The following SPC24 variants were observed in gnomAD, a reference collection of about 807,000 sequenced individuals.
The protein encoded by SPC24 is kinetochore protein Spc24.
Under a neutral mutation model 27.6 loss-of-function variants are expected in SPC24, and 31 were observed. The ratio of observed to expected loss-of-function variants is 1.12; its 90% CI spans 0.84 to 1.52. The LOEUF is 1.52. Among genes scored for constraint, SPC24 ranks in the 40% most tolerant of loss-of-function variants. The probability of loss-of-function intolerance (pLI) is 0.00; values close to 1 mark genes in which losing one functional copy is unlikely to be tolerated. For synonymous variants in SPC24, 105 were observed against 105.8 expected, an observed-to-expected ratio of 0.99 and a Z score of 0.05; for missense variants, 284 against 252.5, an observed-to-expected ratio of 1.12 and a Z score of -0.84.
rs2077826462 is a variant in SPC24 at position 11,146,620 on chromosome 19, CTG to C, written c.*561_*562del. The C allele has an allele frequency of 6.6e-6, 1 of 151,360 alleles. No individual in the cohort carries two copies. Among genetic ancestry groups the C allele is most frequent in the African/African-American group, 2.4e-5 (1 of 41,144 alleles). The allele number at this position is 151,360 out of a possible 1,614,324, so 9.4% of individuals were successfully genotyped here. The stretch of plus-strand genomic sequence containing the variant: ...CTCTACTAAAAATACAAAAAATTAG[CTG>C]CGCATGGTGGCAGGTGCCTGTAGTC... On this transcript the variant is annotated 3_prime_UTR_variant, in exon 5 of 5. Coordinates refer to ENST00000592540, the MANE Select transcript of SPC24 (RefSeq NM_182513.4).
In SPC24 at chr19:11,147,146, G is replaced by A. The variant is rs749342385; in HGVS notation, c.*37C>T. The A allele has an allele frequency of 1.5e-6, 2 of 1,315,734 alleles. No individual in the cohort carries two copies. The highest frequency in any genetic ancestry group is 1.1e-6 in the Non-Finnish European group (1 of 941,114). 81.5% of individuals were successfully genotyped at this position (1,315,734 alleles called of 1,614,324 possible). On this transcript the variant is annotated 3_prime_UTR_variant, in exon 5 of 5. Transcript: ENST00000592540. ...TGAAATGGATCTGACCACGGCAGAT[G>A]CCCGCTGGGTGCAAGACGCAGCCAC...
intron 1 of SPC24, among the ~76,000 whole-genome samples, chr19:11,149,926 G>T (rs1474083387): frequency 1.3e-5 from 2 of 151,558 alleles, no homozygotes; most frequent in African/African-American, 2.4e-5. Flanking sequence ...TGGTCAGGCT[G>T]GTCTCAAACT....
chr19:11,154,266 G>A (rs1448397990), intron 1 of SPC24, among the ~76,000 whole-genome samples: 3 of 152,008 alleles, frequency 2.0e-5, no homozygotes, highest in Admixed American at 6.6e-5. Context: ...CTGGCCAGGC[G>A]TAGTGGCTCA....
intron 1 of SPC24, among the ~76,000 whole-genome samples, chr19:11,151,418 G>A (rs899310993): frequency 2.0e-5 from 3 of 152,088 alleles, no homozygotes; most frequent in African/African-American, 7.2e-5. Context: ...GGTTCGGATG[G>A]GGCCTGCTGA....
At chr19:11,147,315 C>G (rs768601401) in intron 4 of SPC24, 26 bp from the exon 5 acceptor site, 4 of 1,489,256 alleles carry the variant, frequency 2.7e-6, no homozygotes, top group South Asian at 1.2e-5. Flanking sequence ...AAGGAAAGCC[C>G]GGGACACACA....
rs77853947 is a variant in SPC24 at position 11,150,005 on chromosome 19, C to T, written c.161-767G>A. 4.2e-3 allele frequency among the ~76,000 whole-genome samples: 630 copies of T among 151,552 alleles called. 6 individuals carry two copies. The highest frequency in any genetic ancestry group is 0.014 in the African/African-American group (573 of 41,396). ...GATTACAGGCGTGAGCCACTGCGCA[C>T]GGCAACCCTGTCAATATTAAAAACA... On this transcript the variant is annotated intron_variant, in intron 1 of 4. Transcript: ENST00000592540.
intron 1 of SPC24, 126 bp from the exon 2 acceptor site, chr19:11,149,364 A>G: frequency 1.2e-6 from 1 of 814,154 alleles, no homozygotes; most frequent in South Asian, 3.2e-5. Context: ...GTGTCCAGAG[A>G]GTTCTACTGG....
chr19:11,147,176 C>G lies in SPC24; in HGVS notation c.*7G>C. 6.5e-7 allele frequency: 1 copy of G among 1,545,480 alleles called. No individual in the cohort carries two copies. Among genetic ancestry groups the G allele is most frequent in the South Asian group, 1.2e-5 (1 of 83,934 alleles). Reference sequence around the variant, plus strand: ...CTGGGTGCAAGACGCAGCCACGAGGCTCCTGGCTACCACTCGGTGTCCACC... The same window carrying G: ...CTGGGTGCAAGACGCAGCCACGAGGGTCCTGGCTACCACTCGGTGTCCACC... On this transcript the variant is annotated 3_prime_UTR_variant, in exon 5 of 5. Transcript: ENST00000592540.
chr19:11,147,355 A>T, intron 4 of SPC24, 66 bp from the exon 5 acceptor site: 1 of 1,130,008 alleles, frequency 8.8e-7, no homozygotes, highest in Non-Finnish European at 1.3e-6. Context: ...GGGGAAAAGG[A>T]TACTGCCTTT....
At chr19:11,149,392 G>A in intron 1 of SPC24, 154 bp from the exon 2 acceptor site, 1 of 535,042 alleles carries the variant, frequency 1.9e-6, no homozygotes, top group Non-Finnish European at 3.1e-6. Flanking sequence ...TACAACTACT[G>A]TTTCACCAAA....
chr19:11,151,235 A>G (rs886724164), intron 1 of SPC24, among the ~76,000 whole-genome samples: 4 of 151,794 alleles, frequency 2.6e-5, no homozygotes, highest in African/African-American at 9.7e-5. Context: ...ATTATTTTTA[A>G]TCAGAGTATG....
intron 1 of SPC24, among the ~76,000 whole-genome samples, chr19:11,150,224 C>T (rs971352518): frequency 1.4e-5 from 2 of 142,204 alleles, no homozygotes; most frequent in African/African-American, 5.3e-5. Flanking sequence ...GGTGTGGTGG[C>T]TCATACCTGT....
intron 1 of SPC24, among the ~76,000 whole-genome samples, chr19:11,153,093 G>A (rs1412880485): frequency 1.3e-5 from 2 of 152,032 alleles, no homozygotes; most frequent in Non-Finnish European, 2.9e-5. Flanking sequence ...CGGTTCCTCA[G>A]AAATCAAACT....
intron 1 of SPC24, among the ~76,000 whole-genome samples, chr19:11,150,820 A>G (rs2147320079): frequency 6.6e-6 from 1 of 151,596 alleles, no homozygotes; most frequent in East Asian, 2.0e-4. Context: ...AAAATAAAAC[A>G]AAGATGGCTA....
At position 11,149,212 on chromosome 19, in the gene SPC24, C is replaced by A; in HGVS notation, c.187G>T (p.Ala63Ser). 6.5e-7 allele frequency: 1 copy of A among 1,549,000 alleles called. No individual in the cohort carries two copies. Residue 63 changes from alanine to serine, a missense_variant, in exon 2 of 5, where the codon GCC becomes TCC. Ala to Ser is a moderately conservative substitution (Grantham distance 99, BLOSUM62 1). Coordinates refer to ENST00000592540, the MANE Select transcript of SPC24 (RefSeq NM_182513.4). ...TCCTTCGCATTGAGAAGGCTCTGGG[C>A]CACTTCCTTCTCCATGGTGAGGATC... The part of the protein sequence containing the change: ...REILTMEKEV[A>S]QSLLNAKEQV...
chr19:11,145,942 T>G lies in SPC24; in HGVS notation c.*1241A>C, dbSNP rs2077820306. On this transcript the variant is annotated 3_prime_UTR_variant, in exon 5 of 5. Coordinates refer to ENST00000592540, the MANE Select transcript of SPC24 (RefSeq NM_182513.4). ...AAATTTTTTAATTTTTTTGTAGAGA[T>G]GGGGTCTTGCCATGTTCCCCAGTCT... 6.6e-6 allele frequency: 1 copy of G among 152,112 alleles called. No homozygotes were observed. Among genetic ancestry groups the G allele is most frequent in the Non-Finnish European group, 1.5e-5 (1 of 68,200 alleles). The allele number at this position is 152,112 out of a possible 1,614,324, so 9.4% of individuals were successfully genotyped here.
At chr19:11,150,368 C>A (rs1384872935) in intron 1 of SPC24, among the ~76,000 whole-genome samples, 1 of 151,944 alleles carries the variant, frequency 6.6e-6, no homozygotes, top group Non-Finnish European at 1.5e-5. Flanking sequence ...TGCCTGTAAT[C>A]CCAGCTACTT....
intron 1 of SPC24, among the ~76,000 whole-genome samples, chr19:11,153,902 C>CTA (rs2077891812): frequency 1.4e-5 from 1 of 69,296 alleles, no homozygotes; most frequent in Non-Finnish European, 3.9e-5. Flanking sequence ...CCCGTCTCTA[C>CTA]TAAAAAAATA....
intron 1 of SPC24, among the ~76,000 whole-genome samples, chr19:11,152,696 TCTG>T (rs2077881298): frequency 6.6e-6 from 1 of 151,956 alleles, no homozygotes; most frequent in African/African-American, 2.4e-5. Context: ...ATTCATCCAT[TCTG>T]CTAACAGCCA....
Sources: allele counts gnomAD v4.1 joint callset (sites outside exome capture counted in the v4.1 genomes callset), GRCh38; gene constraint gnomAD v4.1.1; transcripts MANE v1.5; gene names NCBI Gene and HGNC (gene_info 2026-07-23, HGNC 2026-07-21).